The following KIRREL3 variants were observed in gnomAD, a reference collection of about 807,000 sequenced individuals.
The protein encoded by KIRREL3 is kin of IRRE-like protein 3.
A neutral mutation model predicts 89.7 loss-of-function variants in KIRREL3; 36 were observed. The observed-to-expected ratio is 0.40, with a 90% CI of 0.31 to 0.53. The LOEUF (loss-of-function observed/expected upper bound fraction) is 0.53, where lower values mean the gene tolerates loss of function less well. Among genes scored for constraint, KIRREL3 ranks in the 20% least tolerant of loss-of-function variants. The pLI is 0.49. For missense variants in KIRREL3, 864 were observed against 1,056.6 expected (o/e 0.82, Z 2.53); for synonymous variants, 445 against 441.4 (o/e 1.01, Z -0.10).
At chr11:126,799,368 A>G (rs1222334511) in intron 1 of KIRREL3, among the ~76,000 whole-genome samples, 3 of 63,030 alleles carry the variant, frequency 4.8e-5, no homozygotes, top group African/African-American at 1.3e-4. Context: ...GTATCTGTGT[A>G]TCTGTGTGTG....
rs1479935392 is a variant in KIRREL3 at position 126,431,193 on chromosome 11, G to A, written c.1696+226C>T. ...AAATGCTGGCTGCCCTGCAGATGAAGTTCAGTCTAGTCCAGGTCAACCTCA... is the reference window on the plus strand; with the variant it reads ...AAATGCTGGCTGCCCTGCAGATGAAATTCAGTCTAGTCCAGGTCAACCTCA... On this transcript the variant is annotated intron_variant, in intron 14 of 16. Transcript: ENST00000525144. This position sits in a 1 kb window ranked among gnomAD's most constrained non-coding sequence, Gnocchi z 7.1. 2.0e-5 allele frequency: 29 copies of A among 1,469,526 alleles called. No individual in the cohort carries two copies. Among genetic ancestry groups the A allele is most frequent in the Non-Finnish European group, 2.6e-5 (29 of 1,107,672 alleles). 91.0% of individuals were successfully genotyped at this position (1,469,526 alleles called of 1,614,324 possible). A position where few individuals can be genotyped will look rare whatever the true frequency, so the allele number is the denominator to read the frequency against.
chr11:126,882,369 T>C (rs745797394), intron 1 of KIRREL3, among the ~76,000 whole-genome samples: 3 of 152,220 alleles, frequency 2.0e-5, no homozygotes, highest in Non-Finnish European at 4.4e-5. Context: ...GAACCTCCTC[T>C]TTCTATCCTT....
At chr11:126,505,362 G>A (rs1308977164) in intron 4 of KIRREL3, among the ~76,000 whole-genome samples, 6 of 152,214 alleles carry the variant, frequency 3.9e-5, no homozygotes, top group Non-Finnish European at 5.9e-5. Context: ...TTGAGGCCAG[G>A]AGTTCGAGAC....
intron 1 of KIRREL3, among the ~76,000 whole-genome samples, chr11:126,933,779 G>GAAA (rs35968116): frequency 4.8e-5 from 7 of 147,024 alleles, no homozygotes; most frequent in African/African-American, 7.4e-5. Flanking sequence ...CACCAAAAAG[G>GAAA]AAAAAAAAAA....
At chr11:126,784,672 T>C (rs547003835) in intron 1 of KIRREL3, among the ~76,000 whole-genome samples, 1 of 151,626 alleles carries the variant, frequency 6.6e-6, no homozygotes, top group South Asian at 2.1e-4. Context: ...GGTATCTGAC[T>C]TGGTTAGAGG....
chr11:126,606,757 G>C lies in KIRREL3; in HGVS notation c.56-43845C>G, dbSNP rs1391855598. 1.3e-5 allele frequency among the ~76,000 whole-genome samples: 2 copies of C among 152,188 alleles called. No homozygotes were observed. The highest frequency in any genetic ancestry group is 6.5e-5 in the Admixed American group (1 of 15,282). On this transcript the variant is annotated intron_variant, in intron 1 of 16. Transcript: ENST00000525144. The surrounding 1 kb of genome is among the most constrained non-coding windows in gnomAD (Gnocchi z 4.6). ...TCTTGGGACATTCTCCTTGAACTCT[G>C]CAGGGGCCTTAAAACATCCCTAAGT...
At chr11:126,938,843 T>C (rs1192951460) in intron 1 of KIRREL3, among the ~76,000 whole-genome samples, 4 of 152,166 alleles carry the variant, frequency 2.6e-5, no homozygotes, top group Admixed American at 2.6e-4. Context: ...ATATGTGAGA[T>C]CAGCTTTCTT....
chr11:126,559,817 G>A (rs1477160309), intron 2 of KIRREL3, among the ~76,000 whole-genome samples: 1 of 151,880 alleles, frequency 6.6e-6, no homozygotes, highest in African/African-American at 2.4e-5. Flanking sequence ...CTACAGGTGC[G>A]CACCACCAAC....
Position 126,997,158 on chromosome 11 carries a change from C to A in KIRREL3, c.55+3297G>T, listed in dbSNP as rs941602887. ...GATGGGGCTTGAAGCTTAAGGAGGG[C>A]ACAGAAGGAAATAGTTGTGGGTGAA... On this transcript the variant is annotated intron_variant, in intron 1 of 16. Transcript: ENST00000525144. This position sits in a 1 kb window ranked among gnomAD's most constrained non-coding sequence, Gnocchi z 4.3. Among the ~76,000 whole-genome samples, 1 of 152,078 alleles carries A rather than the reference C, an allele frequency of 6.6e-6. No homozygotes were observed. The highest frequency in any genetic ancestry group is 1.9e-4 in the East Asian group (1 of 5,192).
chr11:126,878,382 T>A (rs1945370104), intron 1 of KIRREL3, among the ~76,000 whole-genome samples: 1 of 152,154 alleles, frequency 6.6e-6, no homozygotes, highest in Non-Finnish European at 1.5e-5. Context: ...AAGCAAGATG[T>A]CCAGTATTTT....
chr11:126,427,859 G>C lies in KIRREL3; in HGVS notation c.1806+1320C>G, dbSNP rs1318372506. ...GGGAGGCTGCTGTAATCATCCAGGG[G>C]AGCAATGATGAGGCCTGAAGTAAAG... On this transcript the variant is annotated intron_variant, in intron 15 of 16. Transcript: ENST00000525144. This position sits in a 1 kb window ranked among gnomAD's most constrained non-coding sequence, Gnocchi z 5.3. Among the ~76,000 whole-genome samples, 2 of 152,216 alleles carry C rather than the reference G, an allele frequency of 1.3e-5. No individual in the cohort carries two copies. The highest frequency in any genetic ancestry group is 2.9e-5 in the Non-Finnish European group (2 of 68,038).
chr11:126,899,332 C>A (rs1429103189), intron 1 of KIRREL3, among the ~76,000 whole-genome samples: 1 of 152,096 alleles, frequency 6.6e-6, no homozygotes, highest in Non-Finnish European at 1.5e-5. Flanking sequence ...AAATGGAGGT[C>A]ATCAAAGTCA....
rs1460472811 is a variant in KIRREL3, at chr11:126,969,702, T to C, written c.55+30753A>G. On this transcript the variant is annotated intron_variant, in intron 1 of 16. Coordinates refer to ENST00000525144, the MANE Select transcript of KIRREL3 (RefSeq NM_032531.4). The surrounding 1 kb of genome is among the most constrained non-coding windows in gnomAD (Gnocchi z 4.9). Reference sequence around the variant, plus strand: ...CCATGATGCTTTTCCACGCCCTTGATGACACAGGCTTATTTGAATAATTTT... The same window carrying C: ...CCATGATGCTTTTCCACGCCCTTGACGACACAGGCTTATTTGAATAATTTT... Among the ~76,000 whole-genome samples the C allele has an allele frequency of 1.3e-5, 2 of 152,178 alleles. No homozygotes were observed. Among genetic ancestry groups the C allele is most frequent in the African/African-American group, 4.8e-5 (2 of 41,442 alleles).
Position 126,643,055 on chromosome 11 carries a change from G to C in KIRREL3, c.56-80143C>G, listed in dbSNP as rs561414987. Among the ~76,000 whole-genome samples the C allele has an allele frequency of 1.3e-5, 2 of 152,112 alleles. No individual in the cohort carries two copies. The highest frequency in any genetic ancestry group is 3.9e-4 in the East Asian group (2 of 5,186). On this transcript the variant is annotated intron_variant, in intron 1 of 16. Transcript: ENST00000525144. The surrounding 1 kb of genome is among the most constrained non-coding windows in gnomAD (Gnocchi z 4.5). ...CCAATGCAAGGCATATTGTAATAAA[G>C]GAGACACAACTCTAGGCAGATGTCA...
At chr11:126,436,237 T>C (rs1565447777) in intron 12 of KIRREL3, among the ~76,000 whole-genome samples, 1 of 152,204 alleles carries the variant, frequency 6.6e-6, no homozygotes, top group Non-Finnish European at 1.5e-5. Context: ...CTCCTGGGTC[T>C]GCAGGTCATC....
chr11:126,514,899 A>G (rs2134409460), intron 4 of KIRREL3, among the ~76,000 whole-genome samples: 1 of 152,206 alleles, frequency 6.6e-6, no homozygotes, highest in East Asian at 1.9e-4. Flanking sequence ...TTTGGGGCTT[A>G]CTATCTGCCA....
At chr11:126,815,902 T>C (rs992681297) in intron 1 of KIRREL3, among the ~76,000 whole-genome samples, 36 of 152,186 alleles carry the variant, frequency 2.4e-4, no homozygotes, top group African/African-American at 8.7e-4. Flanking sequence ...TCTTGTTGAC[T>C]CTTAATAAGC....
intron 1 of KIRREL3, among the ~76,000 whole-genome samples, chr11:126,899,729 G>A (rs1356941076): frequency 1.3e-5 from 2 of 152,236 alleles, no homozygotes; most frequent in Non-Finnish European, 2.9e-5. Flanking sequence ...AGTCCAGGCT[G>A]AGTAGGAAGG....
In KIRREL3 at chr11:126,761,589, C is replaced by T. The variant is rs1949667696; in HGVS notation, c.56-198677G>A. ...TTGGAAGCTAAATGCATGCCTAACT[C>T]AAAGGACAGATTATATGGTTACACT... is the stretch of plus-strand genomic sequence containing the variant. On this transcript the variant is annotated intron_variant, in intron 1 of 16. Coordinates refer to ENST00000525144, the MANE Select transcript of KIRREL3 (RefSeq NM_032531.4). This position sits in a 1 kb window ranked among gnomAD's most constrained non-coding sequence, Gnocchi z 4.4. Among the ~76,000 whole-genome samples the T allele has an allele frequency of 6.6e-6, 1 of 152,220 alleles. No individual in the cohort carries two copies. Among genetic ancestry groups the T allele is most frequent in the African/African-American group, 2.4e-5 (1 of 41,458 alleles).
Sources: gnomAD v4.1 joint callset for allele counts (sites outside exome capture counted in the v4.1 genomes callset) on GRCh38, gnomAD v4.1.1 for gene constraint, Gnocchi (gnomAD v3.1) non-coding constraint, MANE v1.5 for transcripts, NCBI Gene and HGNC (gene_info 2026-07-23, HGNC 2026-07-21) for gene names.